The following MCU variants were observed in gnomAD, a reference collection of about 807,000 sequenced individuals.
The protein encoded by MCU is mitochondrial calcium uniporter.
In MCU, 12 loss-of-function variants were observed where a neutral mutation model predicts 45.2. That is an observed-to-expected ratio of 0.27 (90% CI 0.17 to 0.43). MCU has a LOEUF of 0.43. Ranked by LOEUF, MCU falls within the 20% of genes least tolerant of loss-of-function variation. The pLI, the probability that MCU is intolerant of heterozygous loss-of-function variation, is 1.00. For synonymous variants in MCU, 160 were observed against 165.1 expected (o/e 0.97, Z 0.24); for missense variants, 324 against 436.7 (o/e 0.74, Z 2.30).
intron 2 of MCU, among the ~76,000 whole-genome samples, chr10:72,858,638 G>A (rs1845329776): frequency 1.3e-5 from 2 of 152,146 alleles, no homozygotes; most frequent in African/African-American, 4.8e-5. Flanking sequence ...TTGGCCAAGA[G>A]GGGGTCCATT....
intron 2 of MCU, among the ~76,000 whole-genome samples, chr10:72,841,299 GAAA>G (rs199638558): frequency 2.0e-5 from 3 of 150,368 alleles, no homozygotes; most frequent in Non-Finnish European, 4.4e-5. Flanking sequence ...ATAACTACCA[GAAA>G]AAAAAAATTT....
intron 1 of MCU, among the ~76,000 whole-genome samples, chr10:72,731,754 T>G (rs1289565282): frequency 6.6e-6 from 1 of 152,222 alleles, no homozygotes; most frequent in Non-Finnish European, 1.5e-5. Flanking sequence ...TACGTAATGT[T>G]TTTGGGGTTC....
At chr10:72,734,454 TTAA>T (rs1843223978) in intron 1 of MCU, among the ~76,000 whole-genome samples, 1 of 152,226 alleles carries the variant, frequency 6.6e-6, no homozygotes, top group Non-Finnish European at 1.5e-5. Flanking sequence ...CTTTTTCTTA[TTAA>T]TGTGACTACT....
chr10:72,796,452 A>C (rs1844247663), intron 1 of MCU, among the ~76,000 whole-genome samples: 1 of 152,094 alleles, frequency 6.6e-6, no homozygotes, highest in South Asian at 2.1e-4. Flanking sequence ...ACAACAAAAA[A>C]CCTTTAAAAC....
At chr10:72,848,331 A>C (rs1167990560) in intron 2 of MCU, among the ~76,000 whole-genome samples, 1 of 152,176 alleles carries the variant, frequency 6.6e-6, no homozygotes, top group Non-Finnish European at 1.5e-5. Context: ...TGGGAAATCC[A>C]AGATCGAGGA....
chr10:72,705,424 G>A (rs781046496), intron 1 of MCU, among the ~76,000 whole-genome samples: 1 of 152,166 alleles, frequency 6.6e-6, no homozygotes, highest in Non-Finnish European at 1.5e-5. Context: ...GCTCAAGCCT[G>A]TAATCCCAGC....
chr10:72,814,866 G>A (rs1844601540), intron 1 of MCU, among the ~76,000 whole-genome samples: 1 of 152,166 alleles, frequency 6.6e-6, no homozygotes, highest in Non-Finnish European at 1.5e-5. Flanking sequence ...CAACACAAGT[G>A]TTAAGAAATA....
At chr10:72,744,718 A>AG (rs991040214) in intron 1 of MCU, among the ~76,000 whole-genome samples, 15 of 152,330 alleles carry the variant, frequency 9.8e-5, no homozygotes, top group African/African-American at 3.6e-4. Context: ...GTTATTCAAA[A>AG]GGGTAGGTCT....
chr10:72,834,051 GT>G (rs1257946245), intron 1 of MCU, among the ~76,000 whole-genome samples: 1 of 152,092 alleles, frequency 6.6e-6, no homozygotes, highest in Non-Finnish European at 1.5e-5. Flanking sequence ...AATATTAAAT[GT>G]TTTTAAAAGT....
rs1375725336 is a variant in MCU at position 72,845,768 on chromosome 10, T to A, written c.220+11340T>A. 2.0e-5 allele frequency among the ~76,000 whole-genome samples: 3 copies of A among 152,226 alleles called. No homozygotes were observed. The East Asian group carries it at 5.8e-4, about 29-fold the overall frequency. On this transcript the variant is annotated intron_variant, in intron 2 of 7. Transcript: ENST00000373053. ...GTCGTTAAGCAATGTATTCATAGAATGAAATTCTATATAGGAGTGTTTTTT... is the reference window on the plus strand; with the variant it reads ...GTCGTTAAGCAATGTATTCATAGAAAGAAATTCTATATAGGAGTGTTTTTT...
At chr10:72,721,479 A>G (rs1053608339) in intron 1 of MCU, among the ~76,000 whole-genome samples, 4 of 152,196 alleles carry the variant, frequency 2.6e-5, no homozygotes, top group African/African-American at 9.6e-5. Context: ...ATCTGCTGCC[A>G]CTTTCCCTCT....
chr10:72,709,760 G>T (rs1391436400), intron 1 of MCU, among the ~76,000 whole-genome samples: 1 of 152,090 alleles, frequency 6.6e-6, no homozygotes, highest in Non-Finnish European at 1.5e-5. Flanking sequence ...TTAAAATGCT[G>T]CCTAAGCACA....
At chr10:72,778,058 C>T (rs1187880240) in intron 1 of MCU, among the ~76,000 whole-genome samples, 3 of 152,038 alleles carry the variant, frequency 2.0e-5, no homozygotes, top group Non-Finnish European at 4.4e-5. Flanking sequence ...AAAAGGGAAC[C>T]CTCGTAAACT....
chr10:72,692,567 G>A, intron 1 of MCU: 1 of 1,094,498 alleles, frequency 9.1e-7, no homozygotes, highest in Non-Finnish European at 1.1e-6. Flanking sequence ...GGCGGGGAAG[G>A]CACGGGACTT....
At chr10:72,804,017 AATATATATATATATATATATAT>A (rs35518652) in intron 1 of MCU, among the ~76,000 whole-genome samples, 606 of 34,888 alleles carry the variant, frequency 0.017, 24 homozygotes, top group Admixed American at 0.038. Context: ...AATGTAAGTA[AATATATATATATATATATATAT>A]ATATATATAT....
At chr10:72,864,597 T>C (rs182449881) in intron 4 of MCU, among the ~76,000 whole-genome samples, 1 of 152,370 alleles carries the variant, frequency 6.6e-6, no homozygotes, top group African/African-American at 2.4e-5. Flanking sequence ...ATAATACATA[T>C]ACAAAACATT....
chr10:72,885,912 G>T lies in MCU; in HGVS notation c.*90G>T. On this transcript the variant is annotated 3_prime_UTR_variant, in exon 8 of 8. Transcript: ENST00000373053. ...CAGGTGGAAGCTGGGAGCCATGTGGGGGGTAGAGCGTTTTTACCTTTAATT... is the reference window on the plus strand; with the variant it reads ...CAGGTGGAAGCTGGGAGCCATGTGGTGGGTAGAGCGTTTTTACCTTTAATT... The T allele has an allele frequency of 2.0e-6, 2 of 983,586 alleles. No individual in the cohort carries two copies. Among genetic ancestry groups the T allele is most frequent in the Non-Finnish European group, 3.2e-6 (2 of 630,010 alleles). 60.9% of individuals were successfully genotyped at this position (983,586 alleles called of 1,614,324 possible).
At chr10:72,711,295 G>A (rs1029631285) in intron 1 of MCU, among the ~76,000 whole-genome samples, 83 of 144,194 alleles carry the variant, frequency 5.8e-4, no homozygotes, top group African/African-American at 2.1e-3. Flanking sequence ...ATCTCGGCTC[G>A]CTGCGATCTC....
At chr10:72,695,540 CT>C (rs1260798242) in intron 1 of MCU, among the ~76,000 whole-genome samples, 5 of 152,126 alleles carry the variant, frequency 3.3e-5, no homozygotes, top group Non-Finnish European at 5.9e-5. Flanking sequence ...TTTATCACCC[CT>C]AATCACTCCT....
Sources: gnomAD v4.1 joint callset for allele counts (sites outside exome capture counted in the v4.1 genomes callset) on GRCh38, gnomAD v4.1.1 for gene constraint, MANE v1.5 for transcripts, NCBI Gene and HGNC (gene_info 2026-07-23, HGNC 2026-07-21) for gene names.